The following YWHAZ variants were observed in gnomAD, a reference collection of about 807,000 sequenced individuals.
YWHAZ encodes the protein tyrosine 3-monooxygenase/tryptophan 5-monooxygenase activation protein zeta.
For missense variants in YWHAZ, 79 were observed against 284.8 expected, an observed-to-expected ratio of 0.28 and a Z score of 5.20; for synonymous variants, 87 against 103.6, an observed-to-expected ratio of 0.84 and a Z score of 0.97.
intron 2 of YWHAZ, among the ~76,000 whole-genome samples, chr8:100,925,421 G>A (rs181525831): frequency 2.6e-5 from 4 of 152,234 alleles, no homozygotes; most frequent in Admixed American, 1.3e-4. Context: ...AAAATAGAAA[G>A]AACATACGGG....
At chr8:100,952,315 CAGG>C (rs1443896673), upstream of YWHAZ, 1 of 236,434 alleles carries the variant, frequency 4.2e-6, no homozygotes, top group Non-Finnish European at 6.9e-6. Context: ...GCACCTAGGG[CAGG>C]AGGCTGCTTT....
chr8:100,941,592 C>T (rs1809862901), intron 2 of YWHAZ, among the ~76,000 whole-genome samples: 1 of 152,070 alleles, frequency 6.6e-6, no homozygotes, highest in South Asian at 2.1e-4. Context: ...CAAGACCAGC[C>T]CGGCCAACAT....
At chr8:100,929,396 C>T (rs961067188) in intron 2 of YWHAZ, among the ~76,000 whole-genome samples, 5 of 152,056 alleles carry the variant, frequency 3.3e-5, no homozygotes, top group East Asian at 3.9e-4. Flanking sequence ...AATGGGGTTT[C>T]GCCATGTTGG....
At chr8:100,944,850 G>A (rs1042306410) in intron 2 of YWHAZ, among the ~76,000 whole-genome samples, 2 of 152,180 alleles carry the variant, frequency 1.3e-5, no homozygotes, top group African/African-American at 4.8e-5. Context: ...GAGGGACTGA[G>A]TGATTTCCTC....
At chr8:100,947,522 A>C (rs1471022612) in intron 2 of YWHAZ, among the ~76,000 whole-genome samples, 1 of 152,254 alleles carries the variant, frequency 6.6e-6, no homozygotes, top group Non-Finnish European at 1.5e-5. Context: ...TCAAGTAAGT[A>C]TCATTTGAGA....
chr8:100,924,417 T>C lies in YWHAZ; in HGVS notation c.419-119A>G. 1 of 1,056,664 alleles carries C rather than the reference T, an allele frequency of 9.5e-7. No homozygotes were observed. The highest frequency in any genetic ancestry group is 1.6e-5 in the African/African-American group (1 of 62,350). The allele number at this position is 1,056,664 out of a possible 1,614,324, so 65.5% of individuals were successfully genotyped here. A position where few individuals can be genotyped will look rare whatever the true frequency, so the allele number is the denominator to read the frequency against. ...ATACTAACCTGTAACAGCTTAATAT[T>C]TGTTAATTGAACAAGGTCCTTTTTT... On this transcript the variant is annotated intron_variant, in intron 3 of 5. Coordinates refer to ENST00000395958, the MANE Select transcript of YWHAZ (RefSeq NM_145690.3). This position sits in a 1 kb window ranked among gnomAD's most constrained non-coding sequence, Gnocchi z 5.7.
intron 1 of YWHAZ, chr8:100,951,528 G>A (rs1456557186): frequency 5.1e-6 from 5 of 985,484 alleles, no homozygotes; most frequent in Non-Finnish European, 6.0e-6. Context: ...GGGCGGCGAG[G>A]GAGGGGGTGG....
In YWHAZ at chr8:100,920,621, T is replaced by A; in HGVS notation, c.*72A>T. 1 of 1,269,576 alleles carries A rather than the reference T, an allele frequency of 7.9e-7. No homozygotes were observed. The highest frequency in any genetic ancestry group is 1.1e-6 in the Non-Finnish European group (1 of 872,110). The allele number at this position is 1,269,576 out of a possible 1,614,324, so 78.6% of individuals were successfully genotyped here. ...TAAATCGTAAACAAAAAACTATTTG[T>A]GGGACAGCATGGATGACAAATGGTC... On this transcript the variant is annotated 3_prime_UTR_variant, in exon 6 of 6. Transcript: ENST00000395958.
In YWHAZ at chr8:100,928,952, T is replaced by TGG. The variant is rs569573664; in HGVS notation, c.295-3915_295-3914dup. Among the ~76,000 whole-genome samples the TGG allele has an allele frequency of 2.3e-3, 356 of 152,208 alleles. 3 individuals are homozygous for TGG. Among genetic ancestry groups the TGG allele is most frequent in the African/African-American group, 7.7e-3 (318 of 41,552 alleles). Reference sequence around the variant, plus strand: ...TGTTCAGTATGAGAAAACTTATGAGTGGTCCAGTACTGGAACCTGCTCAGT... The same window carrying TGG: ...TGTTCAGTATGAGAAAACTTATGAGTGGGGTCCAGTACTGGAACCTGCTCAGT... On this transcript the variant is annotated intron_variant, in intron 2 of 5. Coordinates refer to ENST00000395958, the MANE Select transcript of YWHAZ (RefSeq NM_145690.3).
At chr8:100,951,172 C>T in intron 1 of YWHAZ, 1 of 985,248 alleles carries the variant, frequency 1.0e-6, no homozygotes, top group Non-Finnish European at 1.2e-6. Flanking sequence ...GCGAGCCCCA[C>T]CCCAAAACCT....
intron 2 of YWHAZ, among the ~76,000 whole-genome samples, chr8:100,926,691 G>C (rs1438710952): frequency 1.3e-5 from 2 of 152,204 alleles, no homozygotes; most frequent in African/African-American, 4.8e-5. Flanking sequence ...AGCAACCTCT[G>C]TCTTACACCA....
Position 100,918,362 on chromosome 8 carries a change from CA to C in YWHAZ, c.*2330del, listed in dbSNP as rs1423302588. On this transcript the variant is annotated 3_prime_UTR_variant, in exon 6 of 6. Coordinates refer to ENST00000395958, the MANE Select transcript of YWHAZ (RefSeq NM_145690.3). The stretch of plus-strand genomic sequence containing the variant: ...TTGTCTCCAAAAAAAAAAAAAACAA[CA>C]AAAAAATTCCCACCTCTTCAGTCTA... 2.5e-4 allele frequency: 24 copies of C among 96,966 alleles called. No homozygotes were observed. The highest frequency in any genetic ancestry group is 6.0e-3 in the Middle Eastern group (1 of 166). The allele number at this position is 96,966 out of a possible 1,614,324, so 6.0% of individuals were successfully genotyped here.
At position 100,940,284 on chromosome 8, in the gene YWHAZ, G is replaced by A. The variant is rs544407194; in HGVS notation, c.294+8312C>T. Among the ~76,000 whole-genome samples the A allele has an allele frequency of 7.2e-4, 110 of 152,228 alleles. No homozygotes were observed. In the South Asian group the frequency reaches 0.02, roughly 28 times the overall value. ...ACGATGCTTTTTGTTGTTGGTGGTGGTGGTAGTTAAAACGCCTCATTTTTC... is the reference window on the plus strand; with the variant it reads ...ACGATGCTTTTTGTTGTTGGTGGTGATGGTAGTTAAAACGCCTCATTTTTC... On this transcript the variant is annotated intron_variant, in intron 2 of 5. Transcript: ENST00000395958.
chr8:100,927,223 A>G (rs1813424118), intron 2 of YWHAZ, among the ~76,000 whole-genome samples: 1 of 152,202 alleles, frequency 6.6e-6, no homozygotes, highest in African/African-American at 2.4e-5. Flanking sequence ...CTTCCATTAC[A>G]ATACACTTTA....
Position 100,932,358 on chromosome 8 carries a change from C to T in YWHAZ, c.295-7319G>A, listed in dbSNP as rs540609849. ...AACTCCCTCTTATGTGAAATAATTT[C>T]CTAATATTTAAGTAATATTACCTTA... On this transcript the variant is annotated intron_variant, in intron 2 of 5. Transcript: ENST00000395958. Among the ~76,000 whole-genome samples, 112 of 152,178 alleles carry T rather than the reference C, an allele frequency of 7.4e-4. 1 individual carries two copies. Among genetic ancestry groups the T allele is most frequent in the Non-Finnish European group, 1.4e-3 (98 of 68,008 alleles).
chr8:100,948,505 A>T lies in YWHAZ; in HGVS notation c.294+91T>A. On this transcript the variant is annotated intron_variant, in intron 2 of 5. Transcript: ENST00000395958. This position sits in a 1 kb window ranked among gnomAD's most constrained non-coding sequence, Gnocchi z 4.2. ...TTGGAACACACAATGTTTAGAAGGA[A>T]AAGAAAAACCAAACAAAAAGTTAAG... 1.4e-6 allele frequency: 2 copies of T among 1,406,134 alleles called. No homozygotes were observed. Among genetic ancestry groups the T allele is most frequent in the Non-Finnish European group, 1.9e-6 (2 of 1,041,370 alleles). The allele number at this position is 1,406,134 out of a possible 1,614,324, so 87.1% of individuals were successfully genotyped here.
At chr8:100,934,323 C>CTT (rs11398423) in intron 2 of YWHAZ, among the ~76,000 whole-genome samples, 5,607 of 144,634 alleles carry the variant, frequency 0.039, 139 homozygotes, top group Middle Eastern at 0.062. Flanking sequence ...GAGACCCTAT[C>CTT]TTTTTTTTTT....
Position 100,924,888 on chromosome 8 carries a change from T to C in YWHAZ, c.418+28A>G, listed in dbSNP as rs373314272. ...CCTCACTATGTTATCTTATACAAGT[T>C]CAACCAACAGGTTTAAAAACAGCAT... On this transcript the variant is annotated intron_variant, in intron 3 of 5. Coordinates refer to ENST00000395958, the MANE Select transcript of YWHAZ (RefSeq NM_145690.3). This position sits in a 1 kb window ranked among gnomAD's most constrained non-coding sequence, Gnocchi z 5.7. 1.5e-5 allele frequency: 24 copies of C among 1,611,112 alleles called. No individual in the cohort carries two copies. The highest frequency in any genetic ancestry group is 2.2e-4 in the Middle Eastern group (1 of 4,484).
chr8:100,929,558 T>C (rs1401202163), intron 2 of YWHAZ, among the ~76,000 whole-genome samples: 1 of 152,202 alleles, frequency 6.6e-6, no homozygotes, highest in Non-Finnish European at 1.5e-5. Context: ...GCTACTTTGG[T>C]AGAATAAATA....
Sources: allele counts gnomAD v4.1 joint callset (sites outside exome capture counted in the v4.1 genomes callset), GRCh38; gene constraint gnomAD v4.1.1; non-coding constraint Gnocchi (gnomAD v3.1); transcripts MANE v1.5; gene names NCBI Gene and HGNC (gene_info 2026-07-23, HGNC 2026-07-21).